The following ZNF672 variants were observed in gnomAD, a reference collection of about 807,000 sequenced individuals.
ZNF672 encodes zinc finger protein 672, also known as hypothetical protein FLJ22301.
For synonymous variants in ZNF672, 358 were observed against 305.6 expected, an observed-to-expected ratio of 1.17 and a Z score of -1.79; for missense variants, 733 against 701.1, an observed-to-expected ratio of 1.05 and a Z score of -0.51.
intron 2 of ZNF672, among the ~76,000 whole-genome samples, 198 bp from the exon 3 acceptor site, chr1:248,845,368 C>CA (rs571113850): frequency 8.4e-4 from 123 of 145,572 alleles, no homozygotes; most frequent in African/African-American, 2.2e-3. Context: ...TTTGCCCCAC[C>CA]AAAAAAAAAA....
In ZNF672 at chr1:248,847,213, C is replaced by T; in HGVS notation, c.-62C>T. ...CCTTAAGAGAAGTAAAACTTAGCTG[C>T]AGCGTCAGGAGGTGGACCCCAGAGT... On this transcript the variant is annotated 5_prime_UTR_variant, in exon 4 of 4. Coordinates refer to ENST00000306562, the MANE Select transcript of ZNF672 (RefSeq NM_024836.3). 7 of 1,548,232 alleles carry T rather than the reference C, an allele frequency of 4.5e-6. No homozygotes were observed. Among genetic ancestry groups the T allele is most frequent in the Middle Eastern group, 1.7e-4 (1 of 5,766 alleles).
intron 1 of ZNF672, among the ~76,000 whole-genome samples, chr1:248,840,887 G>C (rs897412446): frequency 6.6e-6 from 1 of 151,828 alleles, no homozygotes; most frequent in African/African-American, 2.4e-5. Flanking sequence ...TATATGCAGT[G>C]GGTAGTGCTG....
In ZNF672 at chr1:248,848,876, G is replaced by A; in HGVS notation, c.*243G>A. On this transcript the variant is annotated 3_prime_UTR_variant, in exon 4 of 4. Transcript: ENST00000306562. ...TCGGATTCTCTCCTCAGGTGTAGGT[G>A]CAGGGAGTCAGGGAACCCTTAGACT... The A allele has an allele frequency of 1.4e-6, 1 of 725,626 alleles. No homozygotes were observed. The highest frequency in any genetic ancestry group is 2.5e-6 in the Non-Finnish European group (1 of 396,048). 44.9% of individuals were successfully genotyped at this position (725,626 alleles called of 1,614,324 possible).
rs1664771768 is a variant in ZNF672 at position 248,847,044 on chromosome 1, C to T, written c.-223-8C>T. 8 of 567,676 alleles carry T rather than the reference C, an allele frequency of 1.4e-5. No individual in the cohort carries two copies. The South Asian group carries it at 1.8e-4, about 13-fold the overall frequency. The allele number at this position is 567,676 out of a possible 1,614,324, so 35.2% of individuals were successfully genotyped here. On this transcript the variant is annotated splice_polypyrimidine_tract_variant and splice_region_variant and intron_variant, in intron 3 of 3. Coordinates refer to ENST00000306562, the MANE Select transcript of ZNF672 (RefSeq NM_024836.3). Reference sequence around the variant, plus strand: ...CTGCAGAGGCTCACAATGACCTTCTCCCCACAGGCTCACGGTGCAGGGTGA... The same window carrying T: ...CTGCAGAGGCTCACAATGACCTTCTTCCCACAGGCTCACGGTGCAGGGTGA...
Position 248,847,513 on chromosome 1 carries a change from G to A in ZNF672, c.239G>A (p.Arg80His), listed in dbSNP as rs1257957351. 6.3e-6 allele frequency: 10 copies of A among 1,597,204 alleles called. No individual in the cohort carries two copies. The highest frequency in any genetic ancestry group is 1.3e-5 in the African/African-American group (1 of 74,630). ...TGCAGTGAGTGCGGACAAAGCTTCC[G>A]CCACAGCGGCCGTCTTGACCTACAC... Reference protein sequence around the residue: ...YICSECGQSFRHSGRLDLHLG... With the variant: ...YICSECGQSFHHSGRLDLHLG... Residue 80 changes from arginine to histidine, a missense_variant, in exon 4 of 4, where the codon CGC becomes CAC. Physicochemically the swap from Arg to His is conservative, Grantham distance 29. Coordinates refer to ENST00000306562, the MANE Select transcript of ZNF672 (RefSeq NM_024836.3).
chr1:248,846,750 G>A (rs769945448), intron 3 of ZNF672, among the ~76,000 whole-genome samples: 45 of 152,162 alleles, frequency 3.0e-4, no homozygotes, highest in African/African-American at 1.0e-3. Context: ...TAAGGCCAGC[G>A]AACAGGCTTG....
rs372311626 is a variant in ZNF672 at position 248,847,433 on chromosome 1, G to C, written c.159G>C (p.Arg53=). The change falls in exon 4 of 4, where the codon CGG becomes CGC. Residue 53 remains arginine, a synonymous_variant. Coordinates refer to ENST00000306562, the MANE Select transcript of ZNF672 (RefSeq NM_024836.3). ...TAGAATGCGGTGAGCGCTGTGCACGGGCTGCTGACCTCCGAGCGCACAGGC... is the reference window on the plus strand; with the variant it reads ...TAGAATGCGGTGAGCGCTGTGCACGCGCTGCTGACCTCCGAGCGCACAGGC... ...RCLECGERCA[R]AADLRAHRRT... is the part of the protein sequence containing the mutation. 1 of 1,591,120 alleles carries C rather than the reference G, an allele frequency of 6.3e-7. No individual in the cohort carries two copies. Among genetic ancestry groups the C allele is most frequent in the Non-Finnish European group, 8.6e-7 (1 of 1,168,802 alleles).
chr1:248,845,172 A>C (rs1413256159), intron 2 of ZNF672, among the ~76,000 whole-genome samples: 1 of 152,210 alleles, frequency 6.6e-6, no homozygotes, highest in Non-Finnish European at 1.5e-5. Flanking sequence ...TGAGGCAAGG[A>C]GAATCCTCGA....
intron 1 of ZNF672, among the ~76,000 whole-genome samples, chr1:248,843,087 G>A (rs1028326591): frequency 3.3e-5 from 5 of 152,108 alleles, no homozygotes; most frequent in African/African-American, 1.2e-4. Flanking sequence ...AAGGGGCGGG[G>A]CTGCCCTAGG....
chr1:248,847,217 G>T lies in ZNF672; in HGVS notation c.-58G>T. The T allele has an allele frequency of 6.4e-7, 1 of 1,559,048 alleles. No homozygotes were observed. Among genetic ancestry groups the T allele is most frequent in the South Asian group, 1.2e-5 (1 of 83,924 alleles). The stretch of plus-strand genomic sequence containing the variant: ...AAGAGAAGTAAAACTTAGCTGCAGC[G>T]TCAGGAGGTGGACCCCAGAGTGTGA... On this transcript the variant is annotated 5_prime_UTR_variant, in exon 4 of 4. Transcript: ENST00000306562.
chr1:248,843,259 A>G (rs2103028288), intron 1 of ZNF672, among the ~76,000 whole-genome samples: 1 of 152,346 alleles, frequency 6.6e-6, no homozygotes, highest in Non-Finnish European at 1.5e-5. Flanking sequence ...GACGAAAGGG[A>G]AACACATGTA....
In ZNF672 at chr1:248,847,129, A is replaced by T; in HGVS notation, c.-146A>T. ...GTCTGCCCCTTAGAGAAGAACCCTGAAATCAGACCAGTTTTTGCGGCCTCC... is the reference window on the plus strand; with the variant it reads ...GTCTGCCCCTTAGAGAAGAACCCTGTAATCAGACCAGTTTTTGCGGCCTCC... On this transcript the variant is annotated 5_prime_UTR_variant, in exon 4 of 4. Coordinates refer to ENST00000306562, the MANE Select transcript of ZNF672 (RefSeq NM_024836.3). 8.8e-7 allele frequency: 1 copy of T among 1,132,222 alleles called. No homozygotes were observed. Among genetic ancestry groups the T allele is most frequent in the South Asian group, 1.6e-5 (1 of 61,944 alleles). 70.1% of individuals were successfully genotyped at this position (1,132,222 alleles called of 1,614,324 possible). A position where few individuals can be genotyped will look rare whatever the true frequency, so the allele number is the denominator to read the frequency against.
At chr1:248,846,691 A>G (rs1188572000) in intron 3 of ZNF672, among the ~76,000 whole-genome samples, 1 of 152,174 alleles carries the variant, frequency 6.6e-6, no homozygotes, top group African/African-American at 2.4e-5. Flanking sequence ...TCACTGCCCC[A>G]TCCTGCCTTG....
At chr1:248,841,409 T>A (rs1375366303) in intron 1 of ZNF672, among the ~76,000 whole-genome samples, 1 of 152,102 alleles carries the variant, frequency 6.6e-6, no homozygotes, top group Admixed American at 6.5e-5. Context: ...GCTCCCACTA[T>A]GTATGTTCTC....
At chr1:248,841,884 G>GCCA (rs1664684512) in intron 1 of ZNF672, among the ~76,000 whole-genome samples, 1 of 152,052 alleles carries the variant, frequency 6.6e-6, no homozygotes, top group South Asian at 2.1e-4. Flanking sequence ...CACTGAGATG[G>GCCA]CGCCACTGCA....
At position 248,849,092 on chromosome 1, in the gene ZNF672, G is replaced by A. The variant is rs1438278747; in HGVS notation, c.*459G>A. ...TGGTCACAGATTTGGCTGTAGGCAC[G>A]TTACCAGCCCTGTGGCTTCTTGACT... On this transcript the variant is annotated 3_prime_UTR_variant, in exon 4 of 4. Transcript: ENST00000306562. 1 of 476,340 alleles carries A rather than the reference G, an allele frequency of 2.1e-6. No homozygotes were observed. The highest frequency in any genetic ancestry group is 1.5e-5 in the South Asian group (1 of 64,602). The allele number at this position is 476,340 out of a possible 1,614,324, so 29.5% of individuals were successfully genotyped here.
At position 248,848,711 on chromosome 1, in the gene ZNF672, A is replaced by G; in HGVS notation, c.*78A>G. 1.3e-6 allele frequency: 2 copies of G among 1,484,296 alleles called. No homozygotes were observed. Among genetic ancestry groups the G allele is most frequent in the Non-Finnish European group, 1.8e-6 (2 of 1,117,310 alleles). The allele number at this position is 1,484,296 out of a possible 1,614,324, so 91.9% of individuals were successfully genotyped here. On this transcript the variant is annotated 3_prime_UTR_variant, in exon 4 of 4. Transcript: ENST00000306562. ...TAGTATCACGGGGACAGTTGAGGCA[A>G]CTCGTAGATGGAGATTTGGGAAAAG...
intron 1 of ZNF672, among the ~76,000 whole-genome samples, chr1:248,842,046 GCAACTT>G (rs1664686885): frequency 1.3e-5 from 2 of 152,156 alleles, no homozygotes; most frequent in Non-Finnish European, 2.9e-5. Flanking sequence ...GCTGGAAGGA[GCAACTT>G]CTTTTGAAGT....
intron 3 of ZNF672, 128 bp downstream of exon 3, chr1:248,845,790 C>T (rs181280476): frequency 1.3e-5 from 2 of 152,130 alleles, no homozygotes; most frequent in African/African-American, 2.4e-5. Flanking sequence ...GACAGCTGAC[C>T]ATTTTGTTTG....
Sources: allele counts gnomAD v4.1 joint callset (sites outside exome capture counted in the v4.1 genomes callset), GRCh38; gene constraint gnomAD v4.1.1; transcripts MANE v1.5; gene names NCBI Gene and HGNC (gene_info 2026-07-23, HGNC 2026-07-21).